Variants in RABGEF1 observed in about 807,000 individuals in gnomAD.
RABGEF1 encodes rab5 GDP/GTP exchange factor.
A neutral mutation model predicts 57.3 loss-of-function variants in RABGEF1; 26 were observed. That is an observed-to-expected ratio of 0.45 (90% CI 0.33 to 0.63). RABGEF1 has a LOEUF of 0.63. RABGEF1 is among the 20% of genes least tolerant of loss of function. The pLI, the probability that RABGEF1 is intolerant of heterozygous loss-of-function variation, is 0.02. For missense variants in RABGEF1, 464 were observed against 607.6 expected (o/e 0.76, Z 2.48); for synonymous variants, 185 against 210.7 (o/e 0.88, Z 1.06).
At chr7:66,687,185 G>C (rs79730699) in intron 1 of RABGEF1, among the ~76,000 whole-genome samples, 5,687 of 136,890 alleles carry the variant, frequency 0.042, 159 homozygotes, top group Middle Eastern at 0.092. Flanking sequence ...GAGTGCAGTT[G>C]CTCGATCTTG....
chr7:66,805,799 C>T (rs1788299183), intron 8 of RABGEF1, among the ~76,000 whole-genome samples: 1 of 152,116 alleles, frequency 6.6e-6, no homozygotes, highest in South Asian at 2.1e-4. Context: ...GGCTGGAGTG[C>T]AGTGGTACAA....
chr7:66,754,622 G>C (rs1802273942), intron 1 of RABGEF1, among the ~76,000 whole-genome samples: 1 of 152,074 alleles, frequency 6.6e-6, no homozygotes, highest in Non-Finnish European at 1.5e-5. Flanking sequence ...GTCCAGCTCA[G>C]CTGGATGTCA....
At chr7:66,742,608 ATTAAT>A in intron 1 of RABGEF1, among the ~76,000 whole-genome samples, 1 of 152,240 alleles carries the variant, frequency 6.6e-6, no homozygotes, top group East Asian at 1.9e-4. Context: ...GGAGGTGCCT[ATTAAT>A]TTATTTATTG....
intron 1 of RABGEF1, among the ~76,000 whole-genome samples, chr7:66,701,243 A>G (rs1170094191): frequency 6.6e-6 from 1 of 152,160 alleles, no homozygotes; most frequent in African/African-American, 2.4e-5. Context: ...TCAGGCCTGT[A>G]ATCTCCACGC....
chr7:66,697,603 C>G (rs1263212041), intron 1 of RABGEF1, among the ~76,000 whole-genome samples: 3 of 152,270 alleles, frequency 2.0e-5, no homozygotes, highest in Admixed American at 6.5e-5. Context: ...GGCTTCGTGG[C>G]TTGCCTGCCT....
At chr7:66,806,640 CTTT>C (rs71997947) in intron 8 of RABGEF1, among the ~76,000 whole-genome samples, 7 of 114,596 alleles carry the variant, frequency 6.1e-5, no homozygotes, top group African/African-American at 1.4e-4. Context: ...CTCATATATC[CTTT>C]TTTTTTTTTT....
chr7:66,744,268 C>T (rs1799679284), intron 1 of RABGEF1, among the ~76,000 whole-genome samples: 1 of 151,050 alleles, frequency 6.6e-6, no homozygotes, highest in African/African-American at 2.4e-5. Context: ...AATGGTGGCT[C>T]ACGCCTGTAA....
At chr7:66,663,096 CAT>C in the RABGEF1 span, among the ~76,000 whole-genome samples, 1 of 141,386 alleles carries the variant, frequency 7.1e-6, no homozygotes, top group South Asian at 2.2e-4. Flanking sequence ...CAAATAATAA[CAT>C]GAGCGCTCTG....
chr7:66,708,121 G>C (rs1794344795), intron 1 of RABGEF1, among the ~76,000 whole-genome samples: 1 of 151,696 alleles, frequency 6.6e-6, no homozygotes, highest in Non-Finnish European at 1.5e-5. Flanking sequence ...TTTATTCCTT[G>C]GTTCTTCCAT....
At chr7:66,776,585 G>A (rs1467818281) in intron 3 of RABGEF1, among the ~76,000 whole-genome samples, 1 of 152,126 alleles carries the variant, frequency 6.6e-6, no homozygotes, top group Non-Finnish European at 1.5e-5. Flanking sequence ...TCCAGCTGAG[G>A]CCAGAAGGCT....
intron 4 of RABGEF1, 35 bp downstream of exon 4, chr7:66,783,876 T>C (rs1329039119): frequency 6.9e-6 from 11 of 1,588,720 alleles, no homozygotes; most frequent in Admixed American, 3.5e-5. Flanking sequence ...AACATAGAGT[T>C]TTGGTTTGAG....
intron 1 of RABGEF1, among the ~76,000 whole-genome samples, chr7:66,746,559 G>A (rs536478716): frequency 1.3e-5 from 2 of 150,622 alleles, no homozygotes; most frequent in South Asian, 2.1e-4. Context: ...AAAGTGCTGC[G>A]ATTACAGGCG....
rs1554307044 is a variant in RABGEF1, at chr7:66,705,443, A to AG, written c.-872-6724_-872-6723insG. 7.1e-4 allele frequency among the ~76,000 whole-genome samples: 47 copies of AG among 66,366 alleles called. 2 individuals are homozygous for AG. Among genetic ancestry groups the AG allele is most frequent in the African/African-American group, 3.3e-3 (44 of 13,148 alleles). The allele number at this position is 66,366 out of a possible 152,430, so 43.5% of individuals were successfully genotyped here. A position where few individuals can be genotyped will look rare whatever the true frequency, so the allele number is the denominator to read the frequency against. ...CAGAGCGAAACTCCATCTCGAAAGA[A>AG]AGAGAGAGAGAGAGAGAGAGAGAGA... On this transcript the variant is annotated intron_variant and NMD_transcript_variant, in intron 1 of 9. Coordinates refer to the RABGEF1 transcript ENST00000607882.
chr7:66,719,252 G>A (rs1473616035), intron 2 of RABGEF1, among the ~76,000 whole-genome samples: 2 of 152,142 alleles, frequency 1.3e-5, no homozygotes, highest in Admixed American at 6.5e-5. Flanking sequence ...GCCTCCTTTC[G>A]CAGTCTGAAC....
At chr7:66,766,991 G>C (rs1805888185) in intron 1 of RABGEF1, among the ~76,000 whole-genome samples, 1 of 138,534 alleles carries the variant, frequency 7.2e-6, no homozygotes. Context: ...GAAATTGCCT[G>C]TCAAGTTTCT....
intron 2 of RABGEF1, among the ~76,000 whole-genome samples, chr7:66,720,779 GATC>G (rs1378705279): frequency 6.6e-6 from 1 of 152,108 alleles, no homozygotes; most frequent in African/African-American, 2.4e-5. Flanking sequence ...CAGACAACAT[GATC>G]ATCTGTATAG....
intron 1 of RABGEF1, among the ~76,000 whole-genome samples, chr7:66,698,899 G>A (rs772331527): frequency 2.0e-5 from 3 of 152,178 alleles, no homozygotes; most frequent in Admixed American, 6.5e-5. Context: ...TACAGCAGGG[G>A]GTTCCATGGT....
the RABGEF1 span, among the ~76,000 whole-genome samples, chr7:66,673,671 G>T: frequency 5.9e-5 from 9 of 151,280 alleles, no homozygotes; most frequent in African/African-American, 2.2e-4. Flanking sequence ...TTATCTTGGG[G>T]TTTACTCACT....
At chr7:66,673,705 T>C in the RABGEF1 span, among the ~76,000 whole-genome samples, 14 of 151,592 alleles carry the variant, frequency 9.2e-5, no homozygotes, top group East Asian at 1.9e-4. Flanking sequence ...ACGGGTGATG[T>C]ATCTGATTAC....
Sources: allele counts gnomAD v4.1 joint callset (sites outside exome capture counted in the v4.1 genomes callset), GRCh38; gene constraint gnomAD v4.1.1; transcripts MANE v1.5; gene names NCBI Gene and HGNC (gene_info 2026-07-23, HGNC 2026-07-21).